The following KDM4B variants were observed in gnomAD, a reference collection of about 807,000 sequenced individuals.
KDM4B encodes the protein lysine demethylase 4B.
In KDM4B, 32 loss-of-function variants were observed where a neutral mutation model predicts 125.2. The ratio of observed to expected loss-of-function variants is 0.26; its 90% CI spans 0.19 to 0.34. The LOEUF (loss-of-function observed/expected upper bound fraction) is 0.34. Ranked by LOEUF, KDM4B falls within the 10% of genes least tolerant of loss-of-function variation. The pLI is 1.00. For missense variants in KDM4B, 1,190 were observed against 1,577.7 expected (o/e 0.75, Z 4.16); for synonymous variants, 721 against 677.9 (o/e 1.06, Z -0.99).
chr19:5,148,544 C>T (rs1000155721), intron 21 of KDM4B, among the ~76,000 whole-genome samples: 1 of 152,230 alleles, frequency 6.6e-6, no homozygotes, highest in Non-Finnish European at 1.5e-5. Flanking sequence ...GTGTGCCACG[C>T]CTGCCAGAAG....
chr19:5,144,473 C>T, intron 20 of KDM4B, 61 bp downstream of exon 20: 2 of 1,457,410 alleles, frequency 1.4e-6, no homozygotes, highest in Non-Finnish European at 1.8e-6. Context: ...CAACCTGTAC[C>T]CTGAGAGCAT....
At chr19:5,021,899 G>A (rs2036133809) in intron 2 of KDM4B, among the ~76,000 whole-genome samples, 1 of 152,192 alleles carries the variant, frequency 6.6e-6, no homozygotes, top group African/African-American at 2.4e-5. Context: ...CTCCCAAAGT[G>A]TTGGGATTAC....
intron 8 of KDM4B, chr19:5,079,206 G>A (rs1422756031): frequency 6.6e-6 from 1 of 152,138 alleles, no homozygotes; most frequent in Non-Finnish European, 1.5e-5. Context: ...GCAAGAGCTC[G>A]CAGAGGAAAC....
At chr19:5,134,226 G>A (rs565367071) in intron 14 of KDM4B, among the ~76,000 whole-genome samples, 165 bp downstream of exon 14, 3 of 152,194 alleles carry the variant, frequency 2.0e-5, no homozygotes, top group African/African-American at 4.8e-5. Flanking sequence ...GCAGAGCCTG[G>A]TCTCTGGGTT....
In KDM4B at chr19:5,051,240, T is replaced by C. The variant is rs2037213127; in HGVS notation, c.626+3571T>C. 2.0e-5 allele frequency among the ~76,000 whole-genome samples: 3 copies of C among 152,208 alleles called. No individual in the cohort carries two copies. The South Asian group carries it at 6.2e-4, about 31-fold the overall frequency. Reference sequence around the variant, plus strand: ...CAGGGCACTTCTGGGTCATTCGGATTGTGCTGTGCACCCCAAAGAAGAGAG... The same window carrying C: ...CAGGGCACTTCTGGGTCATTCGGATCGTGCTGTGCACCCCAAAGAAGAGAG... On this transcript the variant is annotated intron_variant, in intron 6 of 22. Transcript: ENST00000159111.
rs533438678 is a variant in KDM4B, at chr19:5,032,403, C to T, written c.-25-463C>T. Among the ~76,000 whole-genome samples the T allele has an allele frequency of 8.9e-4, 136 of 152,320 alleles. 2 individuals carry two copies. Among genetic ancestry groups the T allele is most frequent in the African/African-American group, 3.1e-3 (130 of 41,572 alleles). On this transcript the variant is annotated intron_variant, in intron 2 of 22. Transcript: ENST00000159111. ...CCCCCCGTGACCCACAGGCCTGCTCCGAGGGGTGGGTCCCCCTGCCCTTGA... is the reference window on the plus strand; with the variant it reads ...CCCCCCGTGACCCACAGGCCTGCTCTGAGGGGTGGGTCCCCCTGCCCTTGA...
At chr19:5,083,013 C>A (rs1323631958) in intron 9 of KDM4B, among the ~76,000 whole-genome samples, 1 of 152,208 alleles carries the variant, frequency 6.6e-6, no homozygotes, top group East Asian at 1.9e-4. Flanking sequence ...TCCCCCAGCT[C>A]CCAGTGCCTG....
chr19:4,998,931 A>G (rs2035284837), intron 1 of KDM4B, among the ~76,000 whole-genome samples: 1 of 152,172 alleles, frequency 6.6e-6, no homozygotes, highest in Admixed American at 6.6e-5. Context: ...GAGGCCCATC[A>G]TGCTAATTTG....
At chr19:5,069,780 T>C (rs2037888951) in intron 6 of KDM4B, among the ~76,000 whole-genome samples, 1 of 152,006 alleles carries the variant, frequency 6.6e-6, no homozygotes. Context: ...TGGTATTTTG[T>C]ATTTTTGGTA....
chr19:4,996,775 A>AT (rs1452641230), intron 1 of KDM4B, among the ~76,000 whole-genome samples: 2 of 151,876 alleles, frequency 1.3e-5, no homozygotes, highest in African/African-American at 4.8e-5. Flanking sequence ...CTGCTTGTTG[A>AT]TTTGGTATGT....
intron 1 of KDM4B, among the ~76,000 whole-genome samples, chr19:4,977,249 C>G (rs2034479657): frequency 1.3e-5 from 2 of 152,340 alleles, no homozygotes; most frequent in Middle Eastern, 3.4e-3. Context: ...TGGCTCTGGA[C>G]TGGGATCGTG....
chr19:4,979,653 A>AG (rs1389753954), intron 1 of KDM4B, among the ~76,000 whole-genome samples: 2 of 152,318 alleles, frequency 1.3e-5, no homozygotes, highest in Non-Finnish European at 2.9e-5. Context: ...GTCACCAGGG[A>AG]GGGCCACCTC....
intron 9 of KDM4B, among the ~76,000 whole-genome samples, chr19:5,084,393 AAAAT>A (rs1438651851): frequency 7.0e-6 from 1 of 143,390 alleles, no homozygotes; most frequent in Non-Finnish European, 1.5e-5. Context: ...ATATTTATAT[AAAAT>A]AAATTATATA....
At position 5,035,226 on chromosome 19, in the gene KDM4B, G is replaced by A. The variant is rs962248719; in HGVS notation, c.141+2195G>A. On this transcript the variant is annotated intron_variant, in intron 3 of 22. Transcript: ENST00000159111. This position sits in a 1 kb window ranked among gnomAD's most constrained non-coding sequence, Gnocchi z 5.3. ...TGCACATAGGGCAGGTGGGACAGGC[G>A]TCGCCTCCCTTTATCCTGGCACCGC... Among the ~76,000 whole-genome samples, 27 of 152,098 alleles carry A rather than the reference G, an allele frequency of 1.8e-4. No individual in the cohort carries two copies. The highest frequency in any genetic ancestry group is 6.5e-4 in the African/African-American group (27 of 41,408).
At chr19:4,983,860 C>G (rs751348532) in intron 1 of KDM4B, among the ~76,000 whole-genome samples, 4 of 152,176 alleles carry the variant, frequency 2.6e-5, no homozygotes, top group Non-Finnish European at 4.4e-5. Context: ...TACCCATGCA[C>G]GTAGCCTGCT....
chr19:4,977,849 C>A (rs965820852), intron 1 of KDM4B, among the ~76,000 whole-genome samples: 3 of 152,148 alleles, frequency 2.0e-5, no homozygotes, highest in Admixed American at 6.5e-5. Flanking sequence ...CACTCTGGCT[C>A]GGTGCCCTGA....
At chr19:4,998,320 A>G (rs2035265070) in intron 1 of KDM4B, among the ~76,000 whole-genome samples, 1 of 152,172 alleles carries the variant, frequency 6.6e-6, no homozygotes, top group South Asian at 2.1e-4. Context: ...CTTCACCCAA[A>G]CACTTCCCTT....
intron 9 of KDM4B, among the ~76,000 whole-genome samples, chr19:5,102,947 T>C (rs1296441881): frequency 6.6e-6 from 1 of 152,228 alleles, no homozygotes; most frequent in African/African-American, 2.4e-5. Flanking sequence ...TTATTTCACT[T>C]TAAAGCCCTG....
intron 9 of KDM4B, among the ~76,000 whole-genome samples, chr19:5,091,564 G>T (rs2038705227): frequency 6.6e-6 from 1 of 152,154 alleles, no homozygotes; most frequent in South Asian, 2.1e-4. Flanking sequence ...GCAGGAACCA[G>T]GCCTCTCCTA....
Sources: allele counts gnomAD v4.1 joint callset (sites outside exome capture counted in the v4.1 genomes callset), GRCh38; gene constraint gnomAD v4.1.1; non-coding constraint Gnocchi (gnomAD v3.1); transcripts MANE v1.5; gene names NCBI Gene and HGNC (gene_info 2026-07-23, HGNC 2026-07-21).